NKAIN2: variants seen among roughly 807,000 people sequenced by gnomAD.
The protein encoded by NKAIN2 is sodium/potassium-transporting ATPase subunit beta-1-interacting protein 2.
NKAIN2 carries 14 observed loss-of-function variants against 32.6 expected under a neutral mutation model. That is an observed-to-expected ratio of 0.43 (90% CI 0.28 to 0.67). The LOEUF is 0.67. NKAIN2 is among the 30% of genes least tolerant of loss of function. NKAIN2 has a pLI of 0.17. For missense variants in NKAIN2, 198 were observed against 258.3 expected, an observed-to-expected ratio of 0.77 and a Z score of 1.60; for synonymous variants, 80 against 87.2, an observed-to-expected ratio of 0.92 and a Z score of 0.46.
intron 3 of NKAIN2, among the ~76,000 whole-genome samples, chr6:124,487,837 C>T (rs1363770440): frequency 6.6e-6 from 1 of 152,058 alleles, no homozygotes; most frequent in African/African-American, 2.4e-5. Context: ...GAAATTAAGA[C>T]TGCTGACATA....
chr6:123,909,685 G>C lies in NKAIN2; in HGVS notation c.54+105431G>C, dbSNP rs1005984663. On this transcript the variant is annotated intron_variant, in intron 1 of 6. Coordinates refer to ENST00000368417, the MANE Select transcript of NKAIN2 (RefSeq NM_001040214.3). The stretch of plus-strand genomic sequence containing the variant: ...AAACATTGCCTTGTCTGGCCACCCA[G>C]ACCTAATCTAGGGCCTCTTTATGTG... Among the ~76,000 whole-genome samples the C allele has an allele frequency of 4.6e-5, 7 of 152,148 alleles. No homozygotes were observed. In the South Asian group the frequency reaches 8.3e-4, roughly 18 times the overall value.
intron 4 of NKAIN2, among the ~76,000 whole-genome samples, chr6:124,719,724 A>G (rs1212171606): frequency 1.2e-5 from 1 of 85,212 alleles, no homozygotes; most frequent in Non-Finnish European, 2.3e-5. Flanking sequence ...GACCCTGCTA[A>G]TCAAAAAAAA....
intron 1 of NKAIN2, among the ~76,000 whole-genome samples, chr6:124,097,393 C>CT (rs1174981465): frequency 9.3e-6 from 1 of 107,262 alleles, no homozygotes; most frequent in Non-Finnish European, 1.8e-5. Context: ...CAGAGCAAGA[C>CT]TTCGTCTTAA....
chr6:124,702,410 A>T (rs1051074861), intron 4 of NKAIN2, among the ~76,000 whole-genome samples: 8 of 152,144 alleles, frequency 5.3e-5, no homozygotes, highest in Non-Finnish European at 8.8e-5. Context: ...ATGAGTAAGC[A>T]TTGTGAATTG....
chr6:123,896,343 G>T (rs1193043094), intron 1 of NKAIN2, among the ~76,000 whole-genome samples: 1 of 152,082 alleles, frequency 6.6e-6, no homozygotes, highest in Non-Finnish European at 1.5e-5. Context: ...TTTGAATTAG[G>T]AATCCAAATC....
At chr6:124,641,637 C>T (rs1378128247) in intron 3 of NKAIN2, among the ~76,000 whole-genome samples, 1 of 146,508 alleles carries the variant, frequency 6.8e-6, no homozygotes, top group African/African-American at 2.5e-5. Context: ...CTGCAACCTC[C>T]GCCTCCTGGG....
chr6:124,751,259 TA>T (rs2114711150), intron 4 of NKAIN2, among the ~76,000 whole-genome samples: 2 of 152,134 alleles, frequency 1.3e-5, no homozygotes, highest in African/African-American at 4.8e-5. Flanking sequence ...TCTGGGTCCT[TA>T]AGAAAGACAT....
intron 3 of NKAIN2, among the ~76,000 whole-genome samples, chr6:124,446,957 T>C (rs1775917763): frequency 1.3e-5 from 2 of 152,098 alleles, no homozygotes; most frequent in Admixed American, 1.3e-4. Flanking sequence ...CTATACATCC[T>C]ACAATGCACA....
At chr6:124,811,578 G>C (rs567638231) in intron 5 of NKAIN2, among the ~76,000 whole-genome samples, 1 of 152,068 alleles carries the variant, frequency 6.6e-6, no homozygotes, top group Admixed American at 6.6e-5. Flanking sequence ...AAATTGATAT[G>C]GCACTTGACT....
intron 2 of NKAIN2, among the ~76,000 whole-genome samples, chr6:124,331,242 C>T (rs1408276244): frequency 2.7e-5 from 4 of 149,818 alleles, no homozygotes; most frequent in Non-Finnish European, 5.9e-5. Flanking sequence ...TGGCTCACGC[C>T]TATAATCCCA....
chr6:124,200,477 T>C (rs802276), intron 1 of NKAIN2, among the ~76,000 whole-genome samples: 105,498 of 151,878 alleles, frequency 0.69, 36,903 homozygotes, highest in South Asian at 0.75. Flanking sequence ...TCATCATCAT[T>C]AGATACTTAT....
At chr6:123,916,618 A>G (rs1224151060) in intron 1 of NKAIN2, among the ~76,000 whole-genome samples, 1 of 152,110 alleles carries the variant, frequency 6.6e-6, no homozygotes, top group Non-Finnish European at 1.5e-5. Flanking sequence ...GAAGAAGATG[A>G]TGAAAGAAAA....
chr6:124,767,596 T>A (rs138577831), intron 4 of NKAIN2, among the ~76,000 whole-genome samples: 1 of 152,290 alleles, frequency 6.6e-6, no homozygotes, highest in East Asian at 1.9e-4. Context: ...ATTTTTTTTC[T>A]CCCTGGACAT....
At chr6:123,961,360 C>T (rs973584657) in intron 1 of NKAIN2, among the ~76,000 whole-genome samples, 4 of 152,140 alleles carry the variant, frequency 2.6e-5, no homozygotes, top group African/African-American at 9.7e-5. Flanking sequence ...TTAAAGCTCA[C>T]GTGTTCATGG....
chr6:124,304,434 A>G (rs957771189), intron 2 of NKAIN2, among the ~76,000 whole-genome samples: 3 of 152,228 alleles, frequency 2.0e-5, no homozygotes, highest in Non-Finnish European at 4.4e-5. Context: ...AAGCATACAT[A>G]TAGAGGCCTA....
At chr6:123,850,329 C>T (rs1192232688) in intron 1 of NKAIN2, among the ~76,000 whole-genome samples, 1 of 134,776 alleles carries the variant, frequency 7.4e-6, no homozygotes, top group African/African-American at 2.9e-5. Flanking sequence ...GCTGATAACA[C>T]TTGCAAGCTG....
chr6:124,023,042 A>ATATGTATGTATG (rs535131771), intron 1 of NKAIN2, among the ~76,000 whole-genome samples: 2 of 151,330 alleles, frequency 1.3e-5, no homozygotes, highest in African/African-American at 4.9e-5. Context: ...TTATATATAT[A>ATATGTATGTATG]TATGTATGTA....
chr6:124,237,958 T>C (rs1273645387), intron 1 of NKAIN2, among the ~76,000 whole-genome samples: 1 of 152,078 alleles, frequency 6.6e-6, no homozygotes, highest in Non-Finnish European at 1.5e-5. Context: ...ATCCATAAGA[T>C]GTGGTCAGAG....
chr6:124,181,647 T>C (rs1789451906), intron 1 of NKAIN2, among the ~76,000 whole-genome samples: 1 of 152,200 alleles, frequency 6.6e-6, no homozygotes, highest in Non-Finnish European at 1.5e-5. Flanking sequence ...TTTCTCAAGT[T>C]CAAAGTTCCA....
Sources: gnomAD v4.1 joint callset for allele counts (sites outside exome capture counted in the v4.1 genomes callset) on GRCh38, gnomAD v4.1.1 for gene constraint, MANE v1.5 for transcripts, NCBI Gene and HGNC (gene_info 2026-07-23, HGNC 2026-07-21) for gene names.